Variants in XPO1 observed in about 807,000 individuals in gnomAD.
The protein encoded by XPO1 is exportin 1, also known as exportin-1.
Under a neutral mutation model 133.3 loss-of-function variants are expected in XPO1, and 5 were observed. That is an observed-to-expected ratio of 0.04 (90% CI 0.02 to 0.08). The LOEUF (loss-of-function observed/expected upper bound fraction) is 0.08. Ranked by LOEUF, XPO1 falls within the 10% of genes least tolerant of loss-of-function variation. The pLI is 1.00. For missense variants in XPO1, 506 were observed against 1,267.5 expected, an observed-to-expected ratio of 0.40 and a Z score of 9.12; for synonymous variants, 419 against 408.2, an observed-to-expected ratio of 1.03 and a Z score of -0.32.
At chr2:61,526,904 C>T (rs1329518118) in intron 2 of XPO1, among the ~76,000 whole-genome samples, 1 of 152,048 alleles carries the variant, frequency 6.6e-6, no homozygotes, top group Non-Finnish European at 1.5e-5. Flanking sequence ...GATGGGGTTT[C>T]ACCATGTTGG....
At chr2:61,490,081 G>C (rs1180462108) in intron 17 of XPO1, among the ~76,000 whole-genome samples, 1 of 151,292 alleles carries the variant, frequency 6.6e-6, no homozygotes, top group Non-Finnish European at 1.5e-5. Context: ...AGTAGAGACG[G>C]GGTTTCACCA....
chr2:61,530,615 G>A (rs2104817531), intron 2 of XPO1, among the ~76,000 whole-genome samples: 1 of 151,886 alleles, frequency 6.6e-6, no homozygotes, highest in South Asian at 2.1e-4. Flanking sequence ...TAGTCCTAAT[G>A]TTACACTGCT....
At chr2:61,530,272 C>G (rs1005287541) in intron 2 of XPO1, among the ~76,000 whole-genome samples, 1 of 152,104 alleles carries the variant, frequency 6.6e-6, no homozygotes, top group African/African-American at 2.4e-5. Context: ...ATATTCTTTC[C>G]TGTTAGTTGT....
chr2:61,518,542 G>A (rs562920217), intron 4 of XPO1, among the ~76,000 whole-genome samples: 39 of 150,078 alleles, frequency 2.6e-4, no homozygotes, highest in African/African-American at 9.1e-4. Context: ...GTGTGAAACC[G>A]GGAGGCAGAG....
chr2:61,522,328 A>T (rs1290915029), intron 4 of XPO1, among the ~76,000 whole-genome samples: 1 of 152,162 alleles, frequency 6.6e-6, no homozygotes, highest in Non-Finnish European at 1.5e-5. Flanking sequence ...AAGTGTTAGG[A>T]TTACAGGCGT....
chr2:61,504,062 C>T (rs140752263), intron 4 of XPO1, among the ~76,000 whole-genome samples: 109 of 152,218 alleles, frequency 7.2e-4, no homozygotes, highest in African/African-American at 2.4e-3. Flanking sequence ...AATTAATATA[C>T]GTGTTATTAT....
In XPO1 at chr2:61,488,779, GA is replaced by G. The variant is rs763474544; in HGVS notation, c.2023-9del. ...TTTCAGTATATCCACATTCTTGGAG[GA>G]AAAAAAGCAAATTCCATTTATCATA... On this transcript the variant is annotated splice_polypyrimidine_tract_variant and intron_variant, in intron 17 of 24. Transcript: ENST00000401558. 1.2e-6 allele frequency: 2 copies of G among 1,608,288 alleles called. No homozygotes were observed. Among genetic ancestry groups the G allele is most frequent in the Non-Finnish European group, 1.7e-6 (2 of 1,178,006 alleles).
chr2:61,484,326 A>C, intron 20 of XPO1: 1 of 471,558 alleles, frequency 2.1e-6, no homozygotes. Context: ...TTGAAGGAGA[A>C]AGACAACCTT....
At chr2:61,520,045 G>A (rs1698613100) in intron 4 of XPO1, among the ~76,000 whole-genome samples, 1 of 152,040 alleles carries the variant, frequency 6.6e-6, no homozygotes, top group Admixed American at 6.6e-5. Context: ...TGATGTACAT[G>A]TATATTTTTA....
chr2:61,528,379 A>C (rs1473278394), intron 2 of XPO1, among the ~76,000 whole-genome samples: 1 of 152,100 alleles, frequency 6.6e-6, no homozygotes, highest in Non-Finnish European at 1.5e-5. Flanking sequence ...TTACGCCTGT[A>C]ATCCTGGCAC....
At chr2:61,533,048 G>T (rs1182382189) in intron 2 of XPO1, among the ~76,000 whole-genome samples, 1 of 151,952 alleles carries the variant, frequency 6.6e-6, no homozygotes, top group Non-Finnish European at 1.5e-5. Context: ...GCATGGTGGC[G>T]TGTGCCTGTA....
chr2:61,479,462 A>AAC (rs1377396808), intron 24 of XPO1, among the ~76,000 whole-genome samples: 1 of 151,756 alleles, frequency 6.6e-6, no homozygotes, highest in Non-Finnish European at 1.5e-5. Flanking sequence ...CCCCAAAAAA[A>AAC]ACAAAAAAAA....
intron 2 of XPO1, among the ~76,000 whole-genome samples, chr2:61,530,249 C>T (rs1297241810): frequency 6.6e-6 from 1 of 152,146 alleles, no homozygotes; most frequent in African/African-American, 2.4e-5. Context: ...TCACATCAAT[C>T]GCTACATAAA....
Position 61,511,185 on chromosome 2 carries a change from G to A in XPO1, c.302-8875C>T, listed in dbSNP as rs149384665. ...GTTGCCCAGGCTGGAATGCAATGGC[G>A]CAATCTCGGCTCACTGCAACCTCCA... On this transcript the variant is annotated intron_variant, in intron 4 of 24. Transcript: ENST00000401558. Among the ~76,000 whole-genome samples, 19 of 152,110 alleles carry A rather than the reference G, an allele frequency of 1.2e-4. 1 individual carries two copies. The East Asian group carries it at 3.5e-3, about 28-fold the overall frequency.
Position 61,492,712 on chromosome 2 carries a change from C to T in XPO1, c.1421G>A (p.Arg474Lys). 1 of 1,613,614 alleles carries T rather than the reference C, an allele frequency of 6.2e-7. No homozygotes were observed. Among genetic ancestry groups the T allele is most frequent in the Non-Finnish European group, 8.5e-7 (1 of 1,179,896 alleles). Reference protein sequence around the residue: ...LTHLDYVDTERIMTEKLHNQV... With the variant: ...LTHLDYVDTEKIMTEKLHNQV... ...ATTGTGAAGCTTCTCTGTCATTATTCTTTCTGTATCTACATAATCCAGATG... is the reference window on the plus strand; with the variant it reads ...ATTGTGAAGCTTCTCTGTCATTATTTTTTCTGTATCTACATAATCCAGATG... The change falls in exon 14 of 25, where the codon AGA (arginine) becomes AAA (lysine). Residue 474 changes from arginine (R) to lysine (K), a missense_variant. By Grantham distance (26) the Arg-to-Lys change is conservative. Transcript: ENST00000401558. The surrounding 1 kb of genome is among the most constrained non-coding windows in gnomAD (Gnocchi z 5.6).
intron 2 of XPO1, among the ~76,000 whole-genome samples, chr2:61,531,463 G>A (rs752062140): frequency 1.3e-5 from 2 of 152,104 alleles, no homozygotes; most frequent in South Asian, 2.1e-4. Context: ...ATTAAAAGCA[G>A]TATTGCTGTA....
At chr2:61,493,125 T>G in intron 12 of XPO1, 72 bp from the exon 13 acceptor site, 1 of 1,443,720 alleles carries the variant, frequency 6.9e-7, no homozygotes, top group East Asian at 2.4e-5. Flanking sequence ...GAAGCTTAGT[T>G]AAAAACAAAC....
At chr2:61,521,662 C>A (rs1698694992) in intron 4 of XPO1, among the ~76,000 whole-genome samples, 1 of 152,190 alleles carries the variant, frequency 6.6e-6, no homozygotes, top group African/African-American at 2.4e-5. Flanking sequence ...TCTTCCAAGG[C>A]ATTCCCAGAA....
chr2:61,511,805 CTGGA>C (rs1251834296), intron 4 of XPO1, among the ~76,000 whole-genome samples: 1 of 152,074 alleles, frequency 6.6e-6, no homozygotes, highest in Non-Finnish European at 1.5e-5. Flanking sequence ...GTCGCCCAGG[CTGGA>C]ATGCAGTGGC....
Sources: gnomAD v4.1 joint callset for allele counts (sites outside exome capture counted in the v4.1 genomes callset) on GRCh38, gnomAD v4.1.1 for gene constraint, Gnocchi (gnomAD v3.1) non-coding constraint, MANE v1.5 for transcripts, NCBI Gene and HGNC (gene_info 2026-07-23, HGNC 2026-07-21) for gene names.